Variants in CSMD3 observed in about 807,000 individuals in gnomAD.
CSMD3 encodes the protein CUB and Sushi multiple domains 3, also known as CUB and sushi domain-containing protein 3.
CSMD3 carries 177 observed loss-of-function variants against 435.2 expected under a neutral mutation model. The observed-to-expected ratio is 0.41, with a 90% CI of 0.36 to 0.46. The LOEUF (loss-of-function observed/expected upper bound fraction) is 0.46, where lower values mean the gene tolerates loss of function less well. Among genes scored for constraint, CSMD3 ranks in the 20% least tolerant of loss-of-function variants. The pLI, the probability that CSMD3 is intolerant of heterozygous loss-of-function variation, is 0.34. For missense variants in CSMD3, 4,265 were observed against 4,504.6 expected (o/e 0.95, Z 1.52); for synonymous variants, 1,656 against 1,520.5 (o/e 1.09, Z -2.07).
intron 32 of CSMD3, among the ~76,000 whole-genome samples, chr8:112,465,050 GT>G (rs1163052976): frequency 6.6e-6 from 1 of 152,120 alleles, no homozygotes; most frequent in East Asian, 1.9e-4. Context: ...TCAGTTAAAA[GT>G]TAGTTAATAT....
intron 13 of CSMD3, among the ~76,000 whole-genome samples, chr8:112,799,192 A>C (rs1451402334): frequency 6.6e-6 from 1 of 151,896 alleles, no homozygotes; most frequent in Admixed American, 6.6e-5. Context: ...AAATTAATAC[A>C]GTACCAAATT....
intron 66 of CSMD3, among the ~76,000 whole-genome samples, chr8:112,240,862 GC>G (rs1469586946): frequency 6.6e-6 from 1 of 151,984 alleles, no homozygotes; most frequent in Non-Finnish European, 1.5e-5. Flanking sequence ...AGGGGCTTCT[GC>G]TTTTGCATCT....
rs1409732773 is a variant in CSMD3, at chr8:112,395,660, AG to A, written c.5810-4873del. The stretch of plus-strand genomic sequence containing the variant: ...GGCAGCTTCCAGGGCTTTTCAAAAA[AG>A]ACCTCCCACTAACAGAAGTACTTAT... On this transcript the variant is annotated intron_variant, in intron 35 of 70. Transcript: ENST00000297405. Among the ~76,000 whole-genome samples, 14 of 152,292 alleles carry A rather than the reference AG, an allele frequency of 9.2e-5. No homozygotes were observed. The East Asian group carries it at 2.7e-3, about 29-fold the overall frequency.
chr8:112,269,661 T>C (rs909737092), intron 59 of CSMD3, among the ~76,000 whole-genome samples: 3 of 152,096 alleles, frequency 2.0e-5, no homozygotes, highest in African/African-American at 7.2e-5. Context: ...ATAATTAATA[T>C]CCCAAAACAT....
rs77464389 is a variant in CSMD3 at position 112,647,386 on chromosome 8, C to G, written c.3194-2161G>C. Among the ~76,000 whole-genome samples, 412 of 151,310 alleles carry G rather than the reference C, an allele frequency of 2.7e-3. 10 individuals are homozygous for G. The East Asian group carries it at 0.051, about 19-fold the overall frequency. Reference sequence around the variant, plus strand: ...GCGCTATCTCGGCTCCCTGAAAGCTCCGCCCCCCGGGTTCACGCCATTCTC... The same window carrying G: ...GCGCTATCTCGGCTCCCTGAAAGCTGCGCCCCCCGGGTTCACGCCATTCTC... On this transcript the variant is annotated intron_variant, in intron 19 of 70. Transcript: ENST00000297405.
intron 38 of CSMD3, among the ~76,000 whole-genome samples, chr8:112,359,632 C>T (rs914375441): frequency 6.6e-6 from 1 of 151,916 alleles, no homozygotes; most frequent in East Asian, 1.9e-4. Flanking sequence ...TGACATTTAA[C>T]AATAGAAAAT....
At chr8:113,125,403 G>C (rs559942076) in intron 4 of CSMD3, among the ~76,000 whole-genome samples, 1 of 151,920 alleles carries the variant, frequency 6.6e-6, no homozygotes, top group Non-Finnish European at 1.5e-5. Flanking sequence ...TTTGGGGCTG[G>C]AGATTAAAAA....
At chr8:112,414,195 A>G (rs1299590913) in intron 32 of CSMD3, among the ~76,000 whole-genome samples, 3 of 152,164 alleles carry the variant, frequency 2.0e-5, no homozygotes, top group East Asian at 1.9e-4. Flanking sequence ...ATACTTCTGA[A>G]TAGTCTATTT....
At chr8:112,727,472 A>C (rs1164203965) in intron 13 of CSMD3, among the ~76,000 whole-genome samples, 1 of 151,870 alleles carries the variant, frequency 6.6e-6, no homozygotes, top group Non-Finnish European at 1.5e-5. Context: ...AGGGTGAGTG[A>C]GCATTTAAAC....
chr8:113,296,405 G>A (rs2093722288), intron 2 of CSMD3, among the ~76,000 whole-genome samples: 1 of 151,834 alleles, frequency 6.6e-6, no homozygotes, highest in South Asian at 2.1e-4. Context: ...TGTAGTCCCA[G>A]CTACTCAGGA....
intron 3 of CSMD3, among the ~76,000 whole-genome samples, chr8:113,253,269 T>G (rs1309374628): frequency 6.6e-6 from 1 of 151,922 alleles, no homozygotes; most frequent in Non-Finnish European, 1.5e-5. Flanking sequence ...AGGATACATG[T>G]GCACAATGTG....
chr8:112,641,314 T>G (rs2074819154), intron 20 of CSMD3, among the ~76,000 whole-genome samples: 1 of 152,130 alleles, frequency 6.6e-6, no homozygotes. Flanking sequence ...AAAGGTCAAT[T>G]AATCCAAATA....
At chr8:112,896,784 G>C (rs961778776) in intron 10 of CSMD3, among the ~76,000 whole-genome samples, 1 of 151,158 alleles carries the variant, frequency 6.6e-6, no homozygotes, top group South Asian at 2.1e-4. Context: ...GTTATATTTT[G>C]AAAATGCAAA....
At position 112,523,275 on chromosome 8, in the gene CSMD3, T is replaced by C. The variant is rs144542339; in HGVS notation, c.4565-6050A>G. Among the ~76,000 whole-genome samples, 592 of 152,056 alleles carry C rather than the reference T, an allele frequency of 3.9e-3. 3 individuals are homozygous for C. Among genetic ancestry groups the C allele is most frequent in the African/African-American group, 0.012 (509 of 41,538 alleles). On this transcript the variant is annotated intron_variant, in intron 27 of 70. Transcript: ENST00000297405. ...CCCTGAATCTTTCCTGCCTTATCTG[T>C]AAAACTGGCCTAGGAATATTTCATC...
At chr8:113,108,229 A>C (rs2131586485) in intron 4 of CSMD3, among the ~76,000 whole-genome samples, 1 of 152,198 alleles carries the variant, frequency 6.6e-6, no homozygotes, top group Non-Finnish European at 1.5e-5. Context: ...AGAGATTGAG[A>C]CCATCCTGGA....
chr8:113,169,145 A>G (rs544435564), intron 4 of CSMD3, among the ~76,000 whole-genome samples: 2 of 152,298 alleles, frequency 1.3e-5, no homozygotes, highest in Admixed American at 1.3e-4. Context: ...CAGGAGAATA[A>G]TATAATATGG....
intron 18 of CSMD3, among the ~76,000 whole-genome samples, chr8:112,650,703 C>T (rs1203340372): frequency 6.6e-6 from 1 of 152,016 alleles, no homozygotes; most frequent in Middle Eastern, 3.2e-3. Flanking sequence ...AAATATTATA[C>T]AAAATTTTCT....
chr8:113,112,389 ATATATATAT>A (rs2090671653), intron 4 of CSMD3, among the ~76,000 whole-genome samples: 1 of 148 alleles, frequency 6.8e-3, no homozygotes, highest in Non-Finnish European at 9.8e-3. Context: ...AATAAAACAT[ATATATATAT>A]ATATATATAT....
intron 31 of CSMD3, among the ~76,000 whole-genome samples, chr8:112,480,873 T>G (rs1399019434): frequency 1.3e-5 from 2 of 152,228 alleles, no homozygotes; most frequent in Non-Finnish European, 2.9e-5. Flanking sequence ...AATATGCTTA[T>G]TTAGTGAGTG....
Sources: allele counts gnomAD v4.1 joint callset (sites outside exome capture counted in the v4.1 genomes callset), GRCh38; gene constraint gnomAD v4.1.1; transcripts MANE v1.5; gene names NCBI Gene and HGNC (gene_info 2026-07-23, HGNC 2026-07-21).